Variants in EDNRB observed in about 807,000 individuals in gnomAD.
EDNRB encodes Hirschsprung disease 2.
In EDNRB, 18 loss-of-function variants were observed where a neutral mutation model predicts 46.4. That is an observed-to-expected ratio of 0.39 (90% CI 0.27 to 0.57). EDNRB has a LOEUF of 0.57. Among genes scored for constraint, EDNRB ranks in the 20% least tolerant of loss-of-function variants. The probability of loss-of-function intolerance (pLI) is 0.61; values close to 1 mark genes in which losing one functional copy is unlikely to be tolerated. For synonymous variants in EDNRB, 213 were observed against 204.9 expected (o/e 1.04, Z -0.34); for missense variants, 434 against 537.5 (o/e 0.81, Z 1.90).
chr13:77,914,178 A>C (rs1470361969), intron 1 of EDNRB, among the ~76,000 whole-genome samples: 1 of 152,192 alleles, frequency 6.6e-6, no homozygotes, highest in African/African-American at 2.4e-5. Flanking sequence ...TCCAGTTATA[A>C]AAATTTACCC....
chr13:77,950,778 A>C (rs925181571), intron 1 of EDNRB, among the ~76,000 whole-genome samples: 5 of 152,232 alleles, frequency 3.3e-5, no homozygotes, highest in African/African-American at 4.8e-5. Flanking sequence ...TAACAAGGCC[A>C]AATAGTATTA....
intron 1 of EDNRB, among the ~76,000 whole-genome samples, chr13:77,966,820 G>A (rs55797657): frequency 8.5e-4 from 129 of 152,220 alleles, no homozygotes; most frequent in Non-Finnish European, 1.0e-3. Flanking sequence ...GATGACATTT[G>A]TGCAGTTTAT....
At chr13:77,914,613 C>G (rs771126276) in intron 1 of EDNRB, among the ~76,000 whole-genome samples, 3 of 152,168 alleles carry the variant, frequency 2.0e-5, no homozygotes, top group Non-Finnish European at 4.4e-5. Context: ...TGCTAAGTGT[C>G]CTCAGACACT....
intron 1 of EDNRB, among the ~76,000 whole-genome samples, chr13:77,972,213 G>A (rs1007178905): frequency 3.9e-5 from 6 of 152,168 alleles, no homozygotes; most frequent in Admixed American, 6.5e-5. Context: ...TGCAGCCTAC[G>A]CCTGGTCAAC....
intron 1 of EDNRB, among the ~76,000 whole-genome samples, chr13:77,961,419 G>C (rs566639858): frequency 6.6e-6 from 1 of 152,112 alleles, no homozygotes; most frequent in South Asian, 2.1e-4. Flanking sequence ...ACAGAAATAA[G>C]AACCAACAGT....
At chr13:77,917,362 C>A (rs1365535894) in intron 1 of EDNRB, among the ~76,000 whole-genome samples, 1 of 152,196 alleles carries the variant, frequency 6.6e-6, no homozygotes, top group Non-Finnish European at 1.5e-5. Flanking sequence ...TAGCTACAGT[C>A]CGTCACAGCA....
chr13:77,917,648 C>T (rs1277465240), intron 1 of EDNRB, among the ~76,000 whole-genome samples: 1 of 152,166 alleles, frequency 6.6e-6, no homozygotes. Flanking sequence ...CCATTAGGTG[C>T]ACTTAGGGAC....
At position 77,901,188 on chromosome 13, in the gene EDNRB, T is replaced by A. The variant is rs142295388; in HGVS notation, c.821A>T (p.Asp274Val). The change falls in exon 4 of 7, where the codon GAT (aspartate) becomes GTT (valine). Residue 274 changes from aspartate to valine, a missense_variant. Asp to Val is a radical substitution (Grantham distance 152). Coordinates refer to ENST00000646607, the MANE Select transcript of EDNRB (RefSeq NM_001122659.3). ...AFMQFYKTAK[D>V]WWLFSFYFCL... ...GAAATAGAAACTGAATAGCCACCAA[T>A]CTTTTGCTGTCTTGTAAAACTATAG... 8.1e-6 allele frequency: 13 copies of A among 1,610,744 alleles called. No individual in the cohort carries two copies. The African/African-American group carries it at 1.7e-4, about 22-fold the overall frequency.
At chr13:77,923,030 A>T (rs1370594640), upstream of EDNRB, among the ~76,000 whole-genome samples, 1 of 152,184 alleles carries the variant, frequency 6.6e-6, no homozygotes, top group East Asian at 1.9e-4. Flanking sequence ...GACATTTGAA[A>T]CGTTATCAAT....
Position 77,918,733 on chromosome 13 carries a change from A to G in EDNRB, c.-160T>C. 7.5e-7 allele frequency: 1 copy of G among 1,336,104 alleles called. No homozygotes were observed. The highest frequency in any genetic ancestry group is 2.2e-5 in the South Asian group (1 of 44,884). 82.8% of individuals were successfully genotyped at this position (1,336,104 alleles called of 1,614,324 possible). A position where few individuals can be genotyped will look rare whatever the true frequency, so the allele number is the denominator to read the frequency against. On this transcript the variant is annotated 5_prime_UTR_variant, in exon 1 of 7. Transcript: ENST00000646607. The surrounding 1 kb of genome is among the most constrained non-coding windows in gnomAD (Gnocchi z 4.5). ...GCCTCTTCGCCAGTATCCACGCTCAAAAGTAACTCAAGTTTGCGCGCCAGT... is the reference window on the plus strand; with the variant it reads ...GCCTCTTCGCCAGTATCCACGCTCAGAAGTAACTCAAGTTTGCGCGCCAGT...
In EDNRB at chr13:77,918,153, C is replaced by T. The variant is rs762880632; in HGVS notation, c.421G>A (p.Ala141Thr). 3.1e-6 allele frequency: 5 copies of T among 1,614,010 alleles called. No individual in the cohort carries two copies. The highest frequency in any genetic ancestry group is 4.2e-6 in the Non-Finnish European group (5 of 1,180,042). The change falls in exon 1 of 7, where the codon GCC becomes ACC. Residue 141 changes from alanine to threonine, a missense_variant. Ala to Thr is a moderately conservative substitution (Grantham distance 58). Coordinates refer to ENST00000646607, the MANE Select transcript of EDNRB (RefSeq NM_001122659.3). This position sits in a 1 kb window ranked among gnomAD's most constrained non-coding sequence, Gnocchi z 4.5. ...CMRNGPNILIASLALGDLLHI... is the reference protein window; with the variant it reads ...CMRNGPNILITSLALGDLLHI... ...AGCAGGTCTCCCAGAGCCAAGCTGG[C>T]GATCAAGATATTGGGACCGTTTCGC...
At chr13:77,957,898 A>G (rs1881286735) in intron 1 of EDNRB, among the ~76,000 whole-genome samples, 1 of 152,232 alleles carries the variant, frequency 6.6e-6, no homozygotes. Context: ...AAGAAATCAC[A>G]TAAAAGGATT....
At chr13:77,919,079 T>C (rs574316093), upstream of EDNRB, 527 of 489,906 alleles carry the variant, frequency 1.1e-3, 5 homozygotes, top group African/African-American at 9.6e-3. Flanking sequence ...GCGATTGAAC[T>C]CGAAAGACTC....
At chr13:77,925,744 T>A (rs532980767) in intron 1 of EDNRB, among the ~76,000 whole-genome samples, 6 of 152,198 alleles carry the variant, frequency 3.9e-5, no homozygotes, top group African/African-American at 7.2e-5. Flanking sequence ...GAGTCCCTAC[T>A]GGGGCACCGC....
chr13:77,943,356 T>C (rs952378755), intron 1 of EDNRB, among the ~76,000 whole-genome samples: 2 of 152,126 alleles, frequency 1.3e-5, no homozygotes, highest in Non-Finnish European at 2.9e-5. Context: ...TCTCTATTAA[T>C]GATGGAGGTT....
At chr13:77,908,330 A>G (rs1879394346) in intron 1 of EDNRB, among the ~76,000 whole-genome samples, 1 of 151,796 alleles carries the variant, frequency 6.6e-6, no homozygotes, top group South Asian at 2.1e-4. Context: ...TGTCATCTTA[A>G]TGGCCTCTAG....
intron 1 of EDNRB, among the ~76,000 whole-genome samples, chr13:77,931,744 C>CAAAAAAAAAAAA (rs67176737): frequency 1.7e-4 from 14 of 83,420 alleles, no homozygotes; most frequent in Non-Finnish European, 2.0e-4. Flanking sequence ...ACTGTAGTAG[C>CAAAAAAAAAAAA]AAAAAAAAAA....
Position 77,903,559 on chromosome 13 carries a change from G to A in EDNRB, c.532C>T (p.Pro178Ser). The change falls in exon 2 of 7, where the codon CCT (proline) becomes TCT (serine). Residue 178 changes from proline to serine, a missense_variant. Physicochemically the swap from Pro to Ser is moderately conservative, Grantham distance 74. Transcript: ENST00000646607. Reference protein sequence around the residue: ...PFGAEMCKLVPFIQKASVGIT... With the variant: ...PFGAEMCKLVSFIQKASVGIT... Reference sequence around the variant, plus strand: ...CCCACAGAGGCTTTCTGTATGAAAGGCACCAGCTTACACATCTCAGCTCCA... The same window carrying A: ...CCCACAGAGGCTTTCTGTATGAAAGACACCAGCTTACACATCTCAGCTCCA... The A allele has an allele frequency of 6.2e-7, 1 of 1,612,804 alleles. No individual in the cohort carries two copies. The highest frequency in any genetic ancestry group is 8.5e-7 in the Non-Finnish European group (1 of 1,179,246).
intron 1 of EDNRB, among the ~76,000 whole-genome samples, chr13:77,946,503 AGTT>A (rs1291344302): frequency 1.3e-5 from 2 of 152,062 alleles, no homozygotes. Flanking sequence ...CTTACTACCC[AGTT>A]GTTTTTCGTT....
Sources: allele counts gnomAD v4.1 joint callset (sites outside exome capture counted in the v4.1 genomes callset), GRCh38; gene constraint gnomAD v4.1.1; non-coding constraint Gnocchi (gnomAD v3.1); transcripts MANE v1.5; gene names NCBI Gene and HGNC (gene_info 2026-07-23, HGNC 2026-07-21).